Variants in AGBL4 observed in about 807,000 individuals in gnomAD.
The protein encoded by AGBL4 is AGBL carboxypeptidase 4.
AGBL4 carries 58 observed loss-of-function variants against 66.4 expected under a neutral mutation model. The observed-to-expected ratio is 0.87, with a 90% CI of 0.71 to 1.09. AGBL4 has a LOEUF of 1.09. Ranked by LOEUF, AGBL4 falls within the 50% of genes least tolerant of loss-of-function variation. AGBL4 has a pLI of 0.00. For synonymous variants in AGBL4, 234 were observed against 222.9 expected (o/e 1.05, Z -0.44); for missense variants, 579 against 631.0 (o/e 0.92, Z 0.88).
intron 4 of AGBL4, among the ~76,000 whole-genome samples, chr1:49,217,293 C>G (rs913045212): frequency 6.6e-6 from 1 of 152,084 alleles, no homozygotes; most frequent in Non-Finnish European, 1.5e-5. Flanking sequence ...CTTTCCCTTC[C>G]TCCACCCCCA....
chr1:49,846,463 T>C (rs998396995), intron 2 of AGBL4: 19 of 1,243,030 alleles, frequency 1.5e-5, no homozygotes, highest in Admixed American at 4.6e-5. Flanking sequence ...CCTTTCTAGA[T>C]TTGACCCAAT....
chr1:48,544,565 G>A (rs1047625012), intron 11 of AGBL4, among the ~76,000 whole-genome samples: 1 of 152,164 alleles, frequency 6.6e-6, no homozygotes, highest in Non-Finnish European at 1.5e-5. Flanking sequence ...TTGGGCCTGG[G>A]ACTTGTTTGT....
intron 9 of AGBL4, among the ~76,000 whole-genome samples, chr1:48,611,498 T>C (rs968685600): frequency 1.1e-4 from 17 of 152,262 alleles, no homozygotes; most frequent in Admixed American, 5.9e-4. Context: ...TAATAATATC[T>C]ACTTTGCAGT....
At chr1:49,636,809 T>G (rs1450443915) in intron 3 of AGBL4, among the ~76,000 whole-genome samples, 1 of 152,146 alleles carries the variant, frequency 6.6e-6, no homozygotes, top group African/African-American at 2.4e-5. Context: ...ATCCAATGAG[T>G]AAATCAAACA....
At chr1:48,529,382 T>C (rs1467540621), downstream of AGBL4, among the ~76,000 whole-genome samples, 1 of 152,092 alleles carries the variant, frequency 6.6e-6, no homozygotes, top group Non-Finnish European at 1.5e-5. Context: ...AGGTATTTTA[T>C]AGATGTTATT....
chr1:48,794,126 G>C (rs895391970), intron 6 of AGBL4, among the ~76,000 whole-genome samples: 3 of 152,190 alleles, frequency 2.0e-5, no homozygotes, highest in African/African-American at 7.2e-5. Flanking sequence ...GTTTCAGAAA[G>C]AGGAAGCACA....
chr1:48,621,325 T>C (rs955753157), intron 9 of AGBL4, among the ~76,000 whole-genome samples: 4 of 152,084 alleles, frequency 2.6e-5, no homozygotes, highest in African/African-American at 9.7e-5. Context: ...ATCATATGGG[T>C]TGGGCTGGAT....
At chr1:48,903,609 A>G (rs1422189221) in intron 5 of AGBL4, among the ~76,000 whole-genome samples, 1 of 152,182 alleles carries the variant, frequency 6.6e-6, no homozygotes, top group East Asian at 1.9e-4. Flanking sequence ...CTACCACTAG[A>G]GGCATGCACT....
At chr1:48,598,579 C>A (rs1012509798) in intron 9 of AGBL4, among the ~76,000 whole-genome samples, 1 of 151,888 alleles carries the variant, frequency 6.6e-6, no homozygotes, top group African/African-American at 2.4e-5. Flanking sequence ...GAATTCAAGA[C>A]CAGCCTGACC....
At chr1:49,094,693 A>G (rs1464097462) in intron 4 of AGBL4, among the ~76,000 whole-genome samples, 1 of 149,014 alleles carries the variant, frequency 6.7e-6, no homozygotes, top group Admixed American at 6.7e-5. Flanking sequence ...ATCTCAAAAT[A>G]ATAAGAGCTA....
intron 4 of AGBL4, among the ~76,000 whole-genome samples, chr1:49,057,234 C>G (rs1347046908): frequency 6.6e-6 from 1 of 152,004 alleles, no homozygotes; most frequent in Non-Finnish European, 1.5e-5. Flanking sequence ...AATCCTGTCT[C>G]TACCAAAAGA....
intron 3 of AGBL4, among the ~76,000 whole-genome samples, chr1:49,490,991 T>C (rs918367803): frequency 1.3e-5 from 2 of 151,762 alleles, no homozygotes; most frequent in South Asian, 4.1e-4. Context: ...ATATCTACCT[T>C]AGAGATAGGT....
chr1:49,123,442 A>C (rs1210309820), intron 4 of AGBL4, among the ~76,000 whole-genome samples: 1 of 152,202 alleles, frequency 6.6e-6, no homozygotes, highest in Non-Finnish European at 1.5e-5. Flanking sequence ...AAATAGCCTA[A>C]AATTATATAT....
At chr1:49,792,972 A>G (rs1237189985) in intron 2 of AGBL4, among the ~76,000 whole-genome samples, 2 of 152,082 alleles carry the variant, frequency 1.3e-5, no homozygotes, top group East Asian at 3.9e-4. Flanking sequence ...TAGACTAAGG[A>G]GAAATTATTA....
intron 6 of AGBL4, among the ~76,000 whole-genome samples, chr1:48,727,304 G>T (rs1374591486): frequency 6.6e-6 from 1 of 152,172 alleles, no homozygotes; most frequent in Non-Finnish European, 1.5e-5. Context: ...TGAGAAAGGT[G>T]ACTGGTCCAA....
At chr1:48,810,639 T>A (rs1229282506) in intron 6 of AGBL4, among the ~76,000 whole-genome samples, 1 of 152,256 alleles carries the variant, frequency 6.6e-6, no homozygotes, top group African/African-American at 2.4e-5. Context: ...GAAGCTATTA[T>A]TTTATTCAAA....
chr1:49,006,259 G>C (rs1661797230), intron 5 of AGBL4, among the ~76,000 whole-genome samples: 1 of 151,934 alleles, frequency 6.6e-6, no homozygotes, highest in Non-Finnish European at 1.5e-5. Context: ...CAAAGAAAGG[G>C]GTGATGAAGG....
chr1:48,882,212 C>T (rs753850031), intron 5 of AGBL4, among the ~76,000 whole-genome samples: 4 of 152,168 alleles, frequency 2.6e-5, no homozygotes. Context: ...GATCATGCTG[C>T]CCCTGTCTGT....
chr1:49,444,996 C>T (rs778191546), intron 3 of AGBL4, among the ~76,000 whole-genome samples: 2 of 151,018 alleles, frequency 1.3e-5, no homozygotes, highest in African/African-American at 2.4e-5. Context: ...CAAAAGTAGT[C>T]CCTTCATTTC....
Sources: gnomAD v4.1 joint callset for allele counts (sites outside exome capture counted in the v4.1 genomes callset) on GRCh38, gnomAD v4.1.1 for gene constraint, MANE v1.5 for transcripts, NCBI Gene and HGNC (gene_info 2026-07-23, HGNC 2026-07-21) for gene names.